The following MAP3K5 variants were observed in gnomAD, a reference collection of about 807,000 sequenced individuals.
The protein encoded by MAP3K5 is mitogen-activated protein kinase kinase kinase 5.
A neutral mutation model predicts 158.7 loss-of-function variants in MAP3K5; 56 were observed. That is an observed-to-expected ratio of 0.35 (90% CI 0.28 to 0.44). The LOEUF (loss-of-function observed/expected upper bound fraction) is 0.44. Among genes scored for constraint, MAP3K5 ranks in the 20% least tolerant of loss-of-function variants. The probability of loss-of-function intolerance (pLI) is 1.00; values close to 1 mark genes in which losing one functional copy is unlikely to be tolerated. For missense variants in MAP3K5, 1,294 were observed against 1,674.8 expected (o/e 0.77, Z 3.97); for synonymous variants, 579 against 601.7 (o/e 0.96, Z 0.55).
At chr6:136,662,756 C>G (rs749768900) in intron 8 of MAP3K5, among the ~76,000 whole-genome samples, 4 of 152,090 alleles carry the variant, frequency 2.6e-5, no homozygotes, top group African/African-American at 9.7e-5. Context: ...AAGCACAATT[C>G]GTGATGTTCA....
intron 3 of MAP3K5, among the ~76,000 whole-genome samples, chr6:136,700,510 T>C (rs1780806388): frequency 6.6e-6 from 1 of 152,226 alleles, no homozygotes; most frequent in African/African-American, 2.4e-5. Context: ...CTAAGTTATT[T>C]ATGAACACAT....
At chr6:136,686,672 A>C (rs1780162564) in intron 7 of MAP3K5, among the ~76,000 whole-genome samples, 1 of 152,216 alleles carries the variant, frequency 6.6e-6, no homozygotes, top group African/African-American at 2.4e-5. Context: ...TCCCATTCAC[A>C]ATTGCCACAA....
At chr6:136,621,232 C>A (rs1317010473) in intron 15 of MAP3K5, among the ~76,000 whole-genome samples, 1 of 151,828 alleles carries the variant, frequency 6.6e-6, no homozygotes, top group Non-Finnish European at 1.5e-5. Flanking sequence ...GCCATCAAAG[C>A]CATTCTTCAC....
intron 21 of MAP3K5, among the ~76,000 whole-genome samples, chr6:136,596,426 A>G (rs1209722973): frequency 6.6e-6 from 1 of 152,174 alleles, no homozygotes; most frequent in Non-Finnish European, 1.5e-5. Flanking sequence ...GAGACGCTAC[A>G]TGGGTGGGAA....
intron 7 of MAP3K5, among the ~76,000 whole-genome samples, chr6:136,688,794 T>C (rs532705307): frequency 2.6e-5 from 4 of 152,330 alleles, no homozygotes; most frequent in African/African-American, 9.6e-5. Flanking sequence ...GGAGATGTTT[T>C]TTATCTTAAT....
At chr6:136,741,773 A>G (rs1782717941) in intron 1 of MAP3K5, among the ~76,000 whole-genome samples, 1 of 152,180 alleles carries the variant, frequency 6.6e-6, no homozygotes, top group African/African-American at 2.4e-5. Flanking sequence ...ACCCTCCTAG[A>G]ATTAATAAGC....
intron 1 of MAP3K5, among the ~76,000 whole-genome samples, chr6:136,782,394 G>T (rs1260739883): frequency 6.6e-6 from 1 of 152,152 alleles, no homozygotes; most frequent in Non-Finnish European, 1.5e-5. Context: ...ATATGGCTTG[G>T]GGTCAATGGA....
intron 1 of MAP3K5, among the ~76,000 whole-genome samples, chr6:136,748,142 G>A (rs995314463): frequency 2.6e-5 from 4 of 152,216 alleles, no homozygotes; most frequent in Non-Finnish European, 5.9e-5. Context: ...TGTAGGCATA[G>A]AGTATACAAT....
intron 7 of MAP3K5, among the ~76,000 whole-genome samples, chr6:136,685,160 AT>A (rs1210757383): frequency 6.6e-6 from 1 of 150,536 alleles, no homozygotes; most frequent in Non-Finnish European, 1.5e-5. Context: ...AAAAAAAAAA[AT>A]ACAAAAAGTA....
chr6:136,786,733 T>A (rs965820250), intron 1 of MAP3K5, among the ~76,000 whole-genome samples: 4 of 152,024 alleles, frequency 2.6e-5, no homozygotes, highest in Non-Finnish European at 4.4e-5. Flanking sequence ...AACCTATTCT[T>A]TTTAAAGACA....
intron 14 of MAP3K5, among the ~76,000 whole-genome samples, chr6:136,635,725 CAAAAAAAAAAAAA>C (rs140167177): frequency 1.5e-5 from 1 of 67,864 alleles, no homozygotes; most frequent in African/African-American, 6.0e-5. Context: ...CCGTCTCCAC[CAAAAAAAAAAAAA>C]AAAAAAAAAA....
intron 10 of MAP3K5, among the ~76,000 whole-genome samples, chr6:136,652,486 T>C (rs1778562669): frequency 6.6e-6 from 1 of 152,160 alleles, no homozygotes; most frequent in Admixed American, 6.6e-5. Context: ...TAATGATGAA[T>C]AATGAAAATC....
At chr6:136,596,344 C>T (rs1768540785) in intron 21 of MAP3K5, among the ~76,000 whole-genome samples, 2 of 152,140 alleles carry the variant, frequency 1.3e-5, no homozygotes, top group Admixed American at 6.5e-5. Context: ...TTGAGAAAGG[C>T]ACTTGTTGGA....
intron 12 of MAP3K5, among the ~76,000 whole-genome samples, chr6:136,642,005 TAAAATAAAATAAATAAAATAAAATAA>T (rs1777970528): frequency 1.0e-5 from 1 of 98,592 alleles, no homozygotes; most frequent in African/African-American, 4.2e-5. Flanking sequence ...TAAAATAAAA[TAAAATAAAATAAATAAAATAAAATAA>T]AAATAAAATA....
intron 1 of MAP3K5, among the ~76,000 whole-genome samples, chr6:136,791,360 C>T (rs1395261016): frequency 6.6e-6 from 1 of 152,086 alleles, no homozygotes; most frequent in African/African-American, 2.4e-5. Flanking sequence ...AAACAGGGAC[C>T]AAACCTCACA....
chr6:136,570,663 A>G (rs1774322562), intron 25 of MAP3K5, among the ~76,000 whole-genome samples: 1 of 152,220 alleles, frequency 6.6e-6, no homozygotes, highest in South Asian at 2.1e-4. Flanking sequence ...TAAAAAGTGC[A>G]TAACAGAAAA....
chr6:136,688,810 C>A (rs1409986309), intron 7 of MAP3K5, among the ~76,000 whole-genome samples: 1 of 152,170 alleles, frequency 6.6e-6, no homozygotes, highest in African/African-American at 2.4e-5. Flanking sequence ...TTAATTCATT[C>A]ACCTTGAAAA....
chr6:136,639,607 G>A lies in MAP3K5; in HGVS notation c.1870C>T (p.Leu624Phe), dbSNP rs1777823099. ...ISKFEERCCF[L>F]YVLHNSDDFQ... is the part of the protein sequence containing the mutation. Reference sequence around the variant, plus strand: ...TCATCAGAATTGTGAAGCACATAAAGAAAGCAGCATCTTTCTTCAAATTTA... The same window carrying A: ...TCATCAGAATTGTGAAGCACATAAAAAAAGCAGCATCTTTCTTCAAATTTA... Residue 624 changes from leucine to phenylalanine, a missense_variant, in exon 13 of 30, where the codon CTT becomes TTT. Around this residue, in one of 5 missense-constraint regions of MAP3K5, gnomAD observed 690 missense variants for 870.5 expected, o/e 0.79. Coordinates refer to ENST00000359015, the MANE Select transcript of MAP3K5 (RefSeq NM_005923.4). The A allele has an allele frequency of 1.3e-6, 2 of 1,597,160 alleles. No individual in the cohort carries two copies. Among genetic ancestry groups the A allele is most frequent in the Non-Finnish European group, 1.7e-6 (2 of 1,174,216 alleles).
At chr6:136,715,031 A>G (rs1300511354) in intron 2 of MAP3K5, among the ~76,000 whole-genome samples, 1 of 152,226 alleles carries the variant, frequency 6.6e-6, no homozygotes, top group East Asian at 1.9e-4. Flanking sequence ...GTAACTTTTC[A>G]GCCAATGGTT....
Sources: gnomAD v4.1 joint callset for allele counts (sites outside exome capture counted in the v4.1 genomes callset) on GRCh38, gnomAD v4.1.1 for gene constraint, gnomAD v4.1.1 regional missense constraint, MANE v1.5 for transcripts, NCBI Gene and HGNC (gene_info 2026-07-23, HGNC 2026-07-21) for gene names.